CFAP77: variants seen among roughly 807,000 people sequenced by gnomAD.
CFAP77 encodes the protein cilia- and flagella-associated protein 77.
A neutral mutation model predicts 31.1 loss-of-function variants in CFAP77; 25 were observed. That is an observed-to-expected ratio of 0.80 (90% confidence interval 0.59 to 1.12). The LOEUF (loss-of-function observed/expected upper bound fraction) is 1.12. Among genes scored for constraint, CFAP77 ranks in the 50% most tolerant of loss-of-function variants. The pLI is 0.00. For synonymous variants in CFAP77, 151 were observed against 159.9 expected, an observed-to-expected ratio of 0.94 and a Z score of 0.42; for missense variants, 377 against 397.3, an observed-to-expected ratio of 0.95 and a Z score of 0.44.
At chr9:132,513,815 C>T (rs533737518) in intron 3 of CFAP77, among the ~76,000 whole-genome samples, 50 of 152,320 alleles carry the variant, frequency 3.3e-4, no homozygotes, top group Middle Eastern at 3.4e-3. Flanking sequence ...CTGCCTGTGC[C>T]GACAACCCCA....
At chr9:132,438,539 A>ATTTTTT (rs1165427680) in intron 1 of CFAP77, among the ~76,000 whole-genome samples, 207 of 115,390 alleles carry the variant, frequency 1.8e-3, no homozygotes, top group Middle Eastern at 4.0e-3. Flanking sequence ...ATATATATAT[A>ATTTTTT]TATTTTTTTT....
intron 1 of CFAP77, among the ~76,000 whole-genome samples, chr9:132,447,939 G>T (rs553393089): frequency 6.6e-6 from 1 of 152,144 alleles, no homozygotes; most frequent in East Asian, 1.9e-4. Context: ...TACAGCAGCC[G>T]CTGTATTATG....
At chr9:132,542,635 G>T (rs759187980) in intron 4 of CFAP77, among the ~76,000 whole-genome samples, 1 of 152,362 alleles carries the variant, frequency 6.6e-6, no homozygotes, top group Non-Finnish European at 1.5e-5. Context: ...ACAAGTTCAA[G>T]GATGACTGAG....
rs915847078 is a variant in CFAP77 at position 132,509,694 on chromosome 9, G to A, written c.524+10094G>A. 5.9e-5 allele frequency among the ~76,000 whole-genome samples: 9 copies of A among 152,262 alleles called. No individual in the cohort carries two copies. The South Asian group carries it at 1.0e-3, about 18-fold the overall frequency. ...TGAGGCACGAGAATCACTTGAACCC[G>A]GGAGGTCGAGGTTGCAGTGAGTCAA... On this transcript the variant is annotated intron_variant, in intron 3 of 5. Transcript: ENST00000393216.
In CFAP77 at chr9:132,507,579, AGGT is replaced by A. The variant is rs1851954229; in HGVS notation, c.524+7980_524+7982del. Among the ~76,000 whole-genome samples the A allele has an allele frequency of 2.6e-5, 4 of 152,296 alleles. No individual in the cohort carries two copies. The South Asian group carries it at 8.3e-4, about 32-fold the overall frequency. ...GTTAAAAAAATGTTTGCTGCCTGAC[AGGT>A]TTTTTTGAATCTCTCTGCCAAGCTG... is the stretch of plus-strand genomic sequence containing the variant. On this transcript the variant is annotated intron_variant, in intron 3 of 5. Coordinates refer to ENST00000393216, the MANE Select transcript of CFAP77 (RefSeq NM_001282957.2).
chr9:132,531,172 TTC>T (rs370930358), intron 3 of CFAP77, among the ~76,000 whole-genome samples: 8 of 152,338 alleles, frequency 5.3e-5, no homozygotes, highest in East Asian at 3.9e-4. Context: ...TGCCTAGCCT[TTC>T]TCTCTGTCTC....
chr9:132,445,522 T>C (rs1850694323), intron 1 of CFAP77, among the ~76,000 whole-genome samples: 1 of 152,232 alleles, frequency 6.6e-6, no homozygotes, highest in Admixed American at 6.5e-5. Context: ...TTTAGGCTAT[T>C]GTGAATAGTG....
In CFAP77 at chr9:132,545,424, C is replaced by T. The variant is rs528157636; in HGVS notation, c.732+2377C>T. ...GCCCAAGCCGAGACACATGACCTAT[C>T]GGGCCATAAAACTCATGAGAAAGAA... On this transcript the variant is annotated intron_variant, in intron 5 of 5. Coordinates refer to ENST00000393216, the MANE Select transcript of CFAP77 (RefSeq NM_001282957.2). The surrounding 1 kb of genome is among the most constrained non-coding windows in gnomAD (Gnocchi z 4.6). 1.1e-4 allele frequency among the ~76,000 whole-genome samples: 16 copies of T among 152,184 alleles called. 1 individual carries two copies. In the South Asian group the frequency reaches 3.1e-3, roughly 30 times the overall value.
chr9:132,476,189 T>C (rs143260659), intron 1 of CFAP77, among the ~76,000 whole-genome samples: 2 of 152,244 alleles, frequency 1.3e-5, no homozygotes, highest in East Asian at 3.9e-4. Flanking sequence ...TGCCCAGCTG[T>C]TCTGTAAGTG....
chr9:132,483,936 CTTTTTTT>C (rs1193968732), intron 1 of CFAP77, among the ~76,000 whole-genome samples: 1 of 133,000 alleles, frequency 7.5e-6, no homozygotes, highest in Non-Finnish European at 1.6e-5. Flanking sequence ...GAGGTATTGT[CTTTTTTT>C]TTTTTTTTTT....
intron 5 of CFAP77, among the ~76,000 whole-genome samples, chr9:132,556,114 G>T (rs1441547661): frequency 6.6e-6 from 1 of 152,142 alleles, no homozygotes; most frequent in East Asian, 1.9e-4. Flanking sequence ...TTCTCAAGCA[G>T]GCATCGTCAG....
At chr9:132,563,178 C>A (rs1564253809) in intron 5 of CFAP77, among the ~76,000 whole-genome samples, 1 of 151,570 alleles carries the variant, frequency 6.6e-6, no homozygotes, top group Middle Eastern at 3.4e-3. Flanking sequence ...GCAACCATGC[C>A]CTGCTAAAAT....
intron 3 of CFAP77, among the ~76,000 whole-genome samples, chr9:132,502,277 T>G (rs35815388): frequency 0.03 from 3,646 of 123,392 alleles, 109 homozygotes; most frequent in African/African-American, 0.061. Context: ...TTTTTTTTTT[T>G]GGGGGAGGGG....
At chr9:132,530,318 C>T (rs1481585404) in intron 3 of CFAP77, among the ~76,000 whole-genome samples, 1 of 151,430 alleles carries the variant, frequency 6.6e-6, no homozygotes, top group Non-Finnish European at 1.5e-5. Flanking sequence ...CTCTGTCACC[C>T]ATCCTGGAGT....
At chr9:132,524,486 G>A (rs538337151) in intron 3 of CFAP77, among the ~76,000 whole-genome samples, 28 of 151,756 alleles carry the variant, frequency 1.8e-4, no homozygotes, top group African/African-American at 5.5e-4. Flanking sequence ...GGCAGCGTGA[G>A]CCTGTAATCT....
chr9:132,419,468 A>G (rs927264361), intron 1 of CFAP77, among the ~76,000 whole-genome samples: 1 of 152,234 alleles, frequency 6.6e-6, no homozygotes, highest in African/African-American at 2.4e-5. Flanking sequence ...TGGGGCACCC[A>G]AAAAGGCAAC....
intron 1 of CFAP77, among the ~76,000 whole-genome samples, chr9:132,482,690 A>G (rs940331300): frequency 1.3e-5 from 2 of 151,250 alleles, no homozygotes; most frequent in African/African-American, 4.9e-5. Context: ...GCCTGTTGAC[A>G]TCGAGTGGGC....
At chr9:132,507,871 G>A (rs1851960503) in intron 3 of CFAP77, among the ~76,000 whole-genome samples, 1 of 151,464 alleles carries the variant, frequency 6.6e-6, no homozygotes, top group Non-Finnish European at 1.5e-5. Context: ...AAAGATCCCC[G>A]GGCCTCAGAG....
intron 1 of CFAP77, among the ~76,000 whole-genome samples, chr9:132,494,002 C>T (rs1297038261): frequency 6.6e-6 from 1 of 152,082 alleles, no homozygotes; most frequent in Non-Finnish European, 1.5e-5. Context: ...GCCTCCACCT[C>T]CCGGGTTCAA....
Sources: gnomAD v4.1 joint callset for allele counts (sites outside exome capture counted in the v4.1 genomes callset) on GRCh38, gnomAD v4.1.1 for gene constraint, Gnocchi (gnomAD v3.1) non-coding constraint, MANE v1.5 for transcripts, NCBI Gene and HGNC (gene_info 2026-07-23, HGNC 2026-07-21) for gene names.